STPG2: variants seen among roughly 807,000 people sequenced by gnomAD.
STPG2 encodes the protein sperm-tail PG-rich repeat-containing protein 2.
STPG2 carries 56 observed loss-of-function variants against 54.2 expected under a neutral mutation model. The observed-to-expected ratio is 1.03, with a 90% CI of 0.83 to 1.29. The LOEUF is 1.29. STPG2 is among the 50% of genes most tolerant of loss of function. The pLI, the probability that STPG2 is intolerant of heterozygous loss-of-function variation, is 0.00. For missense variants in STPG2, 596 were observed against 544.9 expected (o/e 1.09, Z -0.93); for synonymous variants, 200 against 181.8 (o/e 1.10, Z -0.81).
intron 4 of STPG2, among the ~76,000 whole-genome samples, chr4:97,544,001 C>T (rs1731779000): frequency 6.6e-6 from 1 of 152,028 alleles, no homozygotes; most frequent in African/African-American, 2.4e-5. Context: ...AAACCTTAAT[C>T]ATAATAGAAT....
chr4:98,143,234 G>A lies in STPG2; in HGVS notation c.-84C>T, dbSNP rs981416069. On this transcript the variant is annotated 5_prime_UTR_variant, in exon 1 of 11. Coordinates refer to ENST00000295268, the MANE Select transcript of STPG2 (RefSeq NM_174952.3). ...GGTAGCTAGAAGTGTGGAGAAAAAG[G>A]AAGCCGACACCAGTCTGAGGAGGCC... is the stretch of plus-strand genomic sequence containing the variant. 8.7e-6 allele frequency: 9 copies of A among 1,032,610 alleles called. No homozygotes were observed. Among genetic ancestry groups the A allele is most frequent in the Non-Finnish European group, 1.3e-5 (9 of 699,670 alleles). The allele number at this position is 1,032,610 out of a possible 1,614,324, so 64.0% of individuals were successfully genotyped here. A position where few individuals can be genotyped will look rare whatever the true frequency, so the allele number is the denominator to read the frequency against.
At chr4:97,492,267 TGA>T (rs1396572099) in intron 4 of STPG2, among the ~76,000 whole-genome samples, 1 of 151,492 alleles carries the variant, frequency 6.6e-6, no homozygotes, top group Non-Finnish European at 1.5e-5. Flanking sequence ...TCTGTCTCTT[TGA>T]GATATATGCA....
At chr4:98,100,661 T>C (rs1738998958) in intron 5 of STPG2, among the ~76,000 whole-genome samples, 1 of 148,304 alleles carries the variant, frequency 6.7e-6, no homozygotes, top group Non-Finnish European at 1.5e-5. Context: ...TCTTTTTCTT[T>C]CTTTTTTTTT....
At chr4:97,867,269 A>G (rs138069686) in intron 8 of STPG2, among the ~76,000 whole-genome samples, 58 of 151,972 alleles carry the variant, frequency 3.8e-4, no homozygotes, top group East Asian at 2.9e-3. Flanking sequence ...CTGTCTCATT[A>G]TGCTGCATCT....
chr4:98,128,819 T>A (rs1739904205), intron 2 of STPG2, among the ~76,000 whole-genome samples: 1 of 152,230 alleles, frequency 6.6e-6, no homozygotes, highest in African/African-American at 2.4e-5. Context: ...AACCTCTGTC[T>A]CCCAGGTTCA....
chr4:98,059,690 A>T (rs1006243847), intron 5 of STPG2, among the ~76,000 whole-genome samples: 3 of 152,040 alleles, frequency 2.0e-5, no homozygotes, highest in African/African-American at 7.2e-5. Context: ...TGGGATCCAG[A>T]AGCACATCAA....
intron 10 of STPG2, among the ~76,000 whole-genome samples, chr4:97,561,780 G>T (rs1732255274): frequency 6.6e-6 from 1 of 152,152 alleles, no homozygotes; most frequent in Admixed American, 6.5e-5. Flanking sequence ...TGGGGGCTAA[G>T]TTCTGTTCCA....
At chr4:97,647,177 G>T (rs939913332) in intron 10 of STPG2, among the ~76,000 whole-genome samples, 7 of 152,146 alleles carry the variant, frequency 4.6e-5, no homozygotes, top group Admixed American at 1.3e-4. Flanking sequence ...ATAAATGCTT[G>T]TTGGGAGCAT....
chr4:97,767,947 C>G (rs1726103657), intron 9 of STPG2, among the ~76,000 whole-genome samples: 1 of 152,166 alleles, frequency 6.6e-6, no homozygotes, highest in East Asian at 1.9e-4. Context: ...GCGGGCAGAT[C>G]ACCAGGTCAG....
At chr4:97,878,473 C>G (rs1304790565) in intron 8 of STPG2, among the ~76,000 whole-genome samples, 1 of 151,836 alleles carries the variant, frequency 6.6e-6, no homozygotes. Flanking sequence ...TTAATTCTTG[C>G]CCCTTTTGTG....
In STPG2 at chr4:97,791,286, GAATTT is replaced by G. The variant is rs377221348; in HGVS notation, c.1204+49482_1204+49486del. On this transcript the variant is annotated intron_variant, in intron 9 of 10. Coordinates refer to ENST00000295268, the MANE Select transcript of STPG2 (RefSeq NM_174952.3). ...TCTCTGAAAGCATGTACCCTGCAAT[GAATTT>G]AATTTAATTTCTACAAAACAACTTG... Among the ~76,000 whole-genome samples the G allele has an allele frequency of 5.7e-3, 862 of 152,240 alleles. 5 individuals are homozygous for G. The highest frequency in any genetic ancestry group is 0.02 in the Middle Eastern group (6 of 294).
intron 8 of STPG2, among the ~76,000 whole-genome samples, chr4:97,883,022 T>C (rs1402569281): frequency 6.7e-6 from 1 of 149,646 alleles, no homozygotes; most frequent in Non-Finnish European, 1.5e-5. Context: ...CACAAAATTA[T>C]CAAGAGAGAA....
Position 97,882,976 on chromosome 4 carries a change from T to TACACACAC in STPG2, c.1045-42052_1045-42045dup, listed in dbSNP as rs34481744. Among the ~76,000 whole-genome samples, 170 of 146,962 alleles carry TACACACAC rather than the reference T, an allele frequency of 1.2e-3. 1 individual carries two copies. The highest frequency in any genetic ancestry group is 3.4e-3 in the African/African-American group (137 of 39,962). The stretch of plus-strand genomic sequence containing the variant: ...AAAGAATCTACACATACATACCACA[T>TACACACAC]ACACACACACACACACACACACACA... On this transcript the variant is annotated intron_variant, in intron 8 of 10. Coordinates refer to ENST00000295268, the MANE Select transcript of STPG2 (RefSeq NM_174952.3).
At chr4:97,626,072 T>C (rs1160589449) in intron 10 of STPG2, among the ~76,000 whole-genome samples, 2 of 152,228 alleles carry the variant, frequency 1.3e-5, no homozygotes, top group African/African-American at 4.8e-5. Flanking sequence ...AAAGTAGTCA[T>C]CTTCAAGTAC....
chr4:97,473,617 C>T (rs1322786188), intron 4 of STPG2, among the ~76,000 whole-genome samples: 1 of 152,090 alleles, frequency 6.6e-6, no homozygotes, highest in Non-Finnish European at 1.5e-5. Context: ...TCTCGCCCTG[C>T]CATTTGCCTT....
intron 10 of STPG2, among the ~76,000 whole-genome samples, chr4:97,634,334 C>T (rs1423442055): frequency 6.6e-6 from 1 of 152,066 alleles, no homozygotes; most frequent in African/African-American, 2.4e-5. Flanking sequence ...CACCAAAAAC[C>T]CATCTGTACA....
intron 4 of STPG2, among the ~76,000 whole-genome samples, chr4:97,446,588 G>A (rs1289572061): frequency 1.3e-5 from 2 of 152,144 alleles, no homozygotes; most frequent in Non-Finnish European, 1.5e-5. Context: ...ATGTATCAAG[G>A]GAGGGACCAG....
intron 8 of STPG2, among the ~76,000 whole-genome samples, chr4:97,858,172 TAAC>T (rs1311170780): frequency 2.0e-5 from 3 of 151,856 alleles, no homozygotes; most frequent in African/African-American, 7.3e-5. Flanking sequence ...CTAGAGGAGA[TAAC>T]AACATTCAAT....
chr4:98,032,000 C>G (rs11730158), intron 5 of STPG2, among the ~76,000 whole-genome samples: 59,960 of 151,992 alleles, frequency 0.39, 12,055 homozygotes, highest in Middle Eastern at 0.46. Context: ...AAATGCAAAT[C>G]AAAACCACAA....
Sources: gnomAD v4.1 joint callset for allele counts (sites outside exome capture counted in the v4.1 genomes callset) on GRCh38, gnomAD v4.1.1 for gene constraint, MANE v1.5 for transcripts, NCBI Gene and HGNC (gene_info 2026-07-23, HGNC 2026-07-21) for gene names.